WHRN: variants seen among roughly 807,000 people sequenced by gnomAD.
WHRN encodes the protein CASK-interacting protein CIP98.
WHRN carries 41 observed loss-of-function variants against 68.3 expected under a neutral mutation model. That is an observed-to-expected ratio of 0.60 (90% CI 0.47 to 0.78). The LOEUF is 0.78. Among genes scored for constraint, WHRN ranks in the 30% least tolerant of loss-of-function variants. The probability of loss-of-function intolerance (pLI) is 0.00; values close to 1 mark genes in which losing one functional copy is unlikely to be tolerated. For missense variants in WHRN, 1,243 were observed against 1,244.7 expected (o/e 1.00, Z 0.02); for synonymous variants, 560 against 561.3 (o/e 1.00, Z 0.03).
intron 1 of WHRN, among the ~76,000 whole-genome samples, chr9:114,501,526 A>T: frequency 6.6e-6 from 1 of 150,692 alleles, no homozygotes; most frequent in South Asian, 2.1e-4. Context: ...TTGATTCCTA[A>T]AATTTAATTT....
At chr9:114,421,601 T>C (rs1836290848) in intron 7 of WHRN, among the ~76,000 whole-genome samples, 1 of 152,184 alleles carries the variant, frequency 6.6e-6, no homozygotes. Context: ...GTCTGCAGTT[T>C]CCCAGGTTTT....
intron 2 of WHRN, among the ~76,000 whole-genome samples, chr9:114,470,732 G>T (rs1262167948): frequency 6.6e-6 from 1 of 152,128 alleles, no homozygotes; most frequent in Non-Finnish European, 1.5e-5. Context: ...TGCACCTTAA[G>T]GCCTTGGAAC....
intron 3 of WHRN, among the ~76,000 whole-genome samples, chr9:114,449,317 C>T (rs1839105266): frequency 6.6e-6 from 1 of 152,174 alleles, no homozygotes; most frequent in African/African-American, 2.4e-5. Flanking sequence ...AAGGAAAGCC[C>T]ACAGACATCC....
At position 114,430,563 on chromosome 9, in the gene WHRN, T is replaced by C. The variant is rs183292315; in HGVS notation, c.964-4150A>G. On this transcript the variant is annotated intron_variant, in intron 3 of 11. Transcript: ENST00000362057. The stretch of plus-strand genomic sequence containing the variant: ...CCCTGAGCCTGGCACCTGGCACTTA[T>C]GCAACCTGAGTCGCAGGAATTACCC... Among the ~76,000 whole-genome samples, 77 of 152,324 alleles carry C rather than the reference T, an allele frequency of 5.1e-4. 1 individual carries two copies. The East Asian group carries it at 0.014, about 27-fold the overall frequency.
At position 114,406,522 on chromosome 9, in the gene WHRN, T is replaced by C; in HGVS notation, c.2069A>G (p.Lys690Arg). The change falls in exon 9 of 12, where the codon AAA (lysine) becomes AGA (arginine). Residue 690 changes from lysine (K) to arginine (R), a missense_variant. Transcript: ENST00000362057. ...CACTGTGGCCTCTGCAGAGGGGCTT[T>C]TCAGGTGCGGGGGTGACTGGACCCG... ...FPRVQSPPHLKSPSAEATVAG... is the reference protein window; with the variant it reads ...FPRVQSPPHLRSPSAEATVAG... 1 of 1,613,952 alleles carries C rather than the reference T, an allele frequency of 6.2e-7. No individual in the cohort carries two copies. The highest frequency in any genetic ancestry group is 2.2e-5 in the East Asian group (1 of 44,870).
At chr9:114,444,487 T>C (rs2132628060) in intron 3 of WHRN, among the ~76,000 whole-genome samples, 1 of 151,970 alleles carries the variant, frequency 6.6e-6, no homozygotes, top group Admixed American at 6.6e-5. Context: ...ACAAAACCAA[T>C]ATAATGACAT....
At chr9:114,472,793 G>A (rs1296057919) in intron 2 of WHRN, among the ~76,000 whole-genome samples, 2 of 152,152 alleles carry the variant, frequency 1.3e-5, no homozygotes, top group African/African-American at 4.8e-5. Context: ...GTTGTTGCTG[G>A]AATTCATTAC....
At chr9:114,455,348 G>A (rs189109473) in intron 3 of WHRN, among the ~76,000 whole-genome samples, 183 of 152,104 alleles carry the variant, frequency 1.2e-3, no homozygotes, top group African/African-American at 4.0e-3. Flanking sequence ...CCAAGTAGCC[G>A]GGACTATAGG....
At chr9:114,451,872 T>C (rs1013042039) in intron 3 of WHRN, among the ~76,000 whole-genome samples, 1 of 152,176 alleles carries the variant, frequency 6.6e-6, no homozygotes, top group Non-Finnish European at 1.5e-5. Flanking sequence ...TTACTTAACC[T>C]CTCTGGGCTT....
At chr9:114,464,801 A>T (rs1014958048) in intron 3 of WHRN, among the ~76,000 whole-genome samples, 1 of 148,276 alleles carries the variant, frequency 6.7e-6, no homozygotes, top group Non-Finnish European at 1.5e-5. Context: ...GGTAGATGTT[A>T]ATGATTATGT....
intron 10 of WHRN, 147 bp from the exon 11 acceptor site, chr9:114,403,486 C>T (rs1312461432): frequency 9.3e-7 from 1 of 1,077,524 alleles, no homozygotes; most frequent in Non-Finnish European, 1.4e-6. Flanking sequence ...ACGCACTAAG[C>T]CAAGCACTTG....
At chr9:114,457,043 G>C (rs1839868071) in intron 3 of WHRN, among the ~76,000 whole-genome samples, 1 of 152,158 alleles carries the variant, frequency 6.6e-6, no homozygotes, top group South Asian at 2.1e-4. Context: ...TACTGTGTAT[G>C]TATATACACA....
At chr9:114,455,667 T>A (rs1839722641) in intron 3 of WHRN, among the ~76,000 whole-genome samples, 1 of 147,872 alleles carries the variant, frequency 6.8e-6, no homozygotes, top group East Asian at 2.0e-4. Context: ...TAAGCTATGA[T>A]CATGCCACTG....
intron 3 of WHRN, among the ~76,000 whole-genome samples, chr9:114,450,765 C>T (rs1227744953): frequency 6.6e-6 from 1 of 152,036 alleles, no homozygotes; most frequent in Non-Finnish European, 1.5e-5. Context: ...CAGGGAATGT[C>T]ATCACCGCCC....
At position 114,478,617 on chromosome 9, in the gene WHRN, A is replaced by T; in HGVS notation, c.773T>A (p.Leu258Gln). Residue 258 changes from leucine to glutamine, a missense_variant, in exon 2 of 12, where the codon CTG (leucine) becomes CAG (glutamine). Coordinates refer to ENST00000362057, the MANE Select transcript of WHRN (RefSeq NM_015404.4). ...SGLPQPHGGALRQQEGDRRST... is the reference protein window; with the variant it reads ...SGLPQPHGGAQRQQEGDRRST... ...CCTCCGGTCACCCTCCTGCTGCCTCAGGGCACCACCGTGGGGCTGGGGCAG... is the reference window on the plus strand; with the variant it reads ...CCTCCGGTCACCCTCCTGCTGCCTCTGGGCACCACCGTGGGGCTGGGGCAG... The T allele has an allele frequency of 6.2e-7, 1 of 1,613,992 alleles. No homozygotes were observed. Among genetic ancestry groups the T allele is most frequent in the South Asian group, 1.1e-5 (1 of 91,056 alleles).
intron 3 of WHRN, among the ~76,000 whole-genome samples, chr9:114,436,082 G>A (rs1388190984): frequency 6.6e-6 from 1 of 152,148 alleles, no homozygotes; most frequent in East Asian, 1.9e-4. Flanking sequence ...AATGCACAGG[G>A]AAAAGCCTTA....
rs1423037803 is a variant in WHRN, at chr9:114,406,903, A to C, written c.1699-11T>G. 1 of 1,562,872 alleles carries C rather than the reference A, an allele frequency of 6.4e-7. No individual in the cohort carries two copies. The highest frequency in any genetic ancestry group is 2.4e-5 in the East Asian group (1 of 41,660). ...GGATCTGACATCATCCTGCCAAAAG[A>C]CCCAACAGGCGGAGAAGGAGTCAGA... On this transcript the variant is annotated splice_polypyrimidine_tract_variant and intron_variant, in intron 8 of 11. Coordinates refer to ENST00000362057, the MANE Select transcript of WHRN (RefSeq NM_015404.4).
intron 7 of WHRN, among the ~76,000 whole-genome samples, chr9:114,412,466 C>G (rs1381254884): frequency 2.6e-5 from 4 of 152,206 alleles, no homozygotes. Context: ...ACCCTTCACC[C>G]ACTCTACAGC....
rs762342970 is a variant in WHRN at position 114,402,924 on chromosome 9, C to T, written c.2554G>A (p.Ala852Thr). ...ACCTTGAGCTGCCCACAGTTGTGAG[C>T]TGAGCCGCCTCTCTGCAGGGAGGAG... ...RIVTIQRGGS[A>T]HNCGQLKVGH... is the part of the protein sequence containing the mutation. The change falls in exon 12 of 12, where the codon GCT becomes ACT. Residue 852 changes from alanine to threonine, a missense_variant. Physicochemically the swap from Ala to Thr is moderately conservative, Grantham distance 58 (BLOSUM62 0). Transcript: ENST00000362057. 33 of 1,610,416 alleles carry T rather than the reference C, an allele frequency of 2.0e-5. No homozygotes were observed. The highest frequency in any genetic ancestry group is 2.7e-5 in the African/African-American group (2 of 74,920).
Sources: allele counts gnomAD v4.1 joint callset (sites outside exome capture counted in the v4.1 genomes callset), GRCh38; gene constraint gnomAD v4.1.1; transcripts MANE v1.5; gene names NCBI Gene and HGNC (gene_info 2026-07-23, HGNC 2026-07-21).